The following EML6 variants were observed in gnomAD, a reference collection of about 807,000 sequenced individuals.
EML6 encodes EMAP like 6.
In EML6, 154 loss-of-function variants were observed where a neutral mutation model predicts 240.1. That is an observed-to-expected ratio of 0.64 (90% CI 0.56 to 0.73). The LOEUF (loss-of-function observed/expected upper bound fraction) is 0.73, where lower values mean the gene tolerates loss of function less well. Ranked by LOEUF, EML6 falls within the 30% of genes least tolerant of loss-of-function variation. The probability of loss-of-function intolerance (pLI) is 0.00; values close to 1 mark genes in which losing one functional copy is unlikely to be tolerated. For missense variants in EML6, 2,964 were observed against 2,474.6 expected, an observed-to-expected ratio of 1.20 and a Z score of -4.20; for synonymous variants, 1,148 against 899.0, an observed-to-expected ratio of 1.28 and a Z score of -4.95.
rs895520305 is a variant in EML6 at position 54,957,944 on chromosome 2, C to T, written c.4641C>T (p.Ile1547=). 1.4e-5 allele frequency: 22 copies of T among 1,551,622 alleles called. No homozygotes were observed. The highest frequency in any genetic ancestry group is 2.4e-5 in the East Asian group (1 of 40,924). ...CCTTGCTTTACAAGAAAGGGGTCAT[C>T]GGGTCCCTGGGAGCTGCCAAAATGC... is the stretch of plus-strand genomic sequence containing the variant. ...GSALLYKKGV[I]GSLGAAKMQT... is the part of the protein sequence containing the mutation. The change falls in exon 33 of 42, where the codon ATC becomes ATT. Residue 1547 remains isoleucine (I), a synonymous_variant. Coordinates refer to ENST00000356458, the MANE Select transcript of EML6 (RefSeq NM_001039753.4).
At chr2:54,816,947 G>A (rs1027976598) in intron 4 of EML6, 62 bp downstream of exon 4, 11 of 972,172 alleles carry the variant, frequency 1.1e-5, no homozygotes, top group Non-Finnish European at 1.6e-5. Context: ...GTGATATCGC[G>A]TCTCAGACTT....
chr2:54,823,850 T>TTCTCTCTCTCTCTCTCTC lies in EML6; in HGVS notation c.525+3398_525+3415dup, dbSNP rs147852134. Among the ~76,000 whole-genome samples, 434 of 72,254 alleles carry TTCTCTCTCTCTCTCTCTC rather than the reference T, an allele frequency of 6.0e-3. 7 individuals are homozygous for TTCTCTCTCTCTCTCTCTC. The highest frequency in any genetic ancestry group is 0.023 in the African/African-American group (415 of 18,402). The allele number at this position is 72,254 out of a possible 152,430, so 47.4% of individuals were successfully genotyped here. On this transcript the variant is annotated intron_variant, in intron 5 of 41. Coordinates refer to ENST00000356458, the MANE Select transcript of EML6 (RefSeq NM_001039753.4). ...GGCTGAATTAATATTCATTCATTCA[T>TTCTCTCTCTCTCTCTCTC]TCTCTCTCTCTCTCTCTCTCTCTCT...
intron 2 of EML6, among the ~76,000 whole-genome samples, chr2:54,746,231 G>A (rs1196894974): frequency 6.6e-6 from 1 of 152,206 alleles, no homozygotes; most frequent in African/African-American, 2.4e-5. Context: ...CTTGCTAATA[G>A]GCACCTATTC....
At chr2:54,795,274 G>C (rs1220951218) in intron 2 of EML6, among the ~76,000 whole-genome samples, 1 of 152,122 alleles carries the variant, frequency 6.6e-6, no homozygotes, top group African/African-American at 2.4e-5. Context: ...GGGGAAGCAG[G>C]GCATGTCTCA....
Position 54,725,154 on chromosome 2 carries a change from G to C in EML6, c.93G>C (p.Thr31=). Residue 31 remains threonine (T), a synonymous_variant, in exon 2 of 42, where the codon ACG becomes ACC. Transcript: ENST00000356458. The surrounding 1 kb of genome is among the most constrained non-coding windows in gnomAD (Gnocchi z 4.3). The part of the protein sequence containing the change: ...GHQCRNNLYY[T]AGKEVVYFVA... ...AGTGCCGCAACAACCTGTACTACAC[G>C]GCAGGCAAGGAGGTGGTCTACTTTG... 6.5e-7 allele frequency: 1 copy of C among 1,536,018 alleles called. No individual in the cohort carries two copies. Among genetic ancestry groups the C allele is most frequent in the Non-Finnish European group, 8.8e-7 (1 of 1,139,384 alleles).
chr2:54,890,022 T>C (rs1285017331), intron 17 of EML6, among the ~76,000 whole-genome samples: 1 of 152,248 alleles, frequency 6.6e-6, no homozygotes, highest in Non-Finnish European at 1.5e-5. Context: ...AATACAAATG[T>C]CTAAATGACA....
chr2:54,861,164 G>C (rs1046250624), intron 12 of EML6, among the ~76,000 whole-genome samples: 24 of 152,158 alleles, frequency 1.6e-4, no homozygotes, highest in African/African-American at 5.5e-4. Context: ...CCAGCAGCCA[G>C]AGCTCAGCAC....
intron 4 of EML6, among the ~76,000 whole-genome samples, chr2:54,819,208 T>C (rs1257337893): frequency 6.6e-6 from 1 of 152,170 alleles, no homozygotes. Context: ...TGGTCTAGAC[T>C]TTGTCCCTGA....
intron 24 of EML6, among the ~76,000 whole-genome samples, chr2:54,907,740 G>A (rs1673395982): frequency 6.6e-6 from 1 of 152,152 alleles, no homozygotes; most frequent in African/African-American, 2.4e-5. Context: ...TTTTTAATCT[G>A]TGTGAGCAGA....
At chr2:54,894,379 T>G (rs1415104122) in intron 19 of EML6, among the ~76,000 whole-genome samples, 1 of 152,228 alleles carries the variant, frequency 6.6e-6, no homozygotes, top group Non-Finnish European at 1.5e-5. Context: ...TAATCTGGAT[T>G]TTAATTATGG....
chr2:54,843,426 T>TA (rs769253789), intron 7 of EML6, among the ~76,000 whole-genome samples: 1 of 151,988 alleles, frequency 6.6e-6, no homozygotes, highest in Admixed American at 6.6e-5. Context: ...ACCTTGTCTC[T>TA]AAAAAATAAA....
chr2:54,931,906 G>A (rs12475185), intron 28 of EML6, among the ~76,000 whole-genome samples: 11,752 of 152,232 alleles, frequency 0.077, 503 homozygotes, highest in South Asian at 0.14. Flanking sequence ...TGCCTTGAAG[G>A]TAGCTGTGCT....
At chr2:54,754,065 G>T (rs1412735923) in intron 2 of EML6, among the ~76,000 whole-genome samples, 1 of 151,710 alleles carries the variant, frequency 6.6e-6, no homozygotes, top group Non-Finnish European at 1.5e-5. Context: ...AACCCAGGAG[G>T]CGGAGGTTGC....
intron 41 of EML6, among the ~76,000 whole-genome samples, chr2:54,969,455 C>G (rs1160471953): frequency 1.3e-5 from 2 of 152,280 alleles, no homozygotes; most frequent in African/African-American, 2.4e-5. Context: ...CCTGGGAGCC[C>G]CCATCTCCAG....
In EML6 at chr2:54,907,273, G is replaced by T. The variant is rs1405517956; in HGVS notation, c.3410-3681G>T. Among the ~76,000 whole-genome samples, 7 of 152,328 alleles carry T rather than the reference G, an allele frequency of 4.6e-5. No homozygotes were observed. The East Asian group carries it at 1.4e-3, about 29-fold the overall frequency. ...CACCTGTATTCTCAGCACTTTGGGA[G>T]GCTGAGGTGGGTGACCTGAGGTGAG... is the stretch of plus-strand genomic sequence containing the variant. On this transcript the variant is annotated intron_variant, in intron 24 of 41. Transcript: ENST00000356458.
At chr2:54,770,299 G>A (rs1463700293) in intron 2 of EML6, among the ~76,000 whole-genome samples, 1 of 152,206 alleles carries the variant, frequency 6.6e-6, no homozygotes, top group South Asian at 2.1e-4. Context: ...GGGACAACAG[G>A]TGTAAGCTGG....
At position 54,879,573 on chromosome 2, in the gene EML6, G is replaced by C. The variant is rs1671709838; in HGVS notation, c.2371G>C (p.Gly791Arg). Residue 791 changes from glycine to arginine, a missense_variant, in exon 17 of 42, where the codon GGT becomes CGT. Transcript: ENST00000356458. Reference sequence around the variant, plus strand: ...CGATGGAAAATGTCTGGTGTCGGTTGGTTTAGACGATTTTCACAGTATTGT... The same window carrying C: ...CGATGGAAAATGTCTGGTGTCGGTTCGTTTAGACGATTTTCACAGTATTGT... ...SADGKCLVSV[G>R]LDDFHSIVFW... is the part of the protein sequence containing the mutation. 6.4e-7 allele frequency: 1 copy of C among 1,551,626 alleles called. No individual in the cohort carries two copies. Among genetic ancestry groups the C allele is most frequent in the African/African-American group, 1.4e-5 (1 of 72,982 alleles).
chr2:54,736,955 T>C (rs1476711494), intron 2 of EML6, among the ~76,000 whole-genome samples: 1 of 152,308 alleles, frequency 6.6e-6, no homozygotes, highest in East Asian at 1.9e-4. Flanking sequence ...TGTAAAAGAC[T>C]AAAACAGATT....
chr2:54,909,185 T>TG (rs775894287), intron 24 of EML6, among the ~76,000 whole-genome samples: 20 of 152,324 alleles, frequency 1.3e-4, no homozygotes, highest in South Asian at 8.3e-4. Context: ...AAGAATGTGT[T>TG]CACTGAATAA....
Sources: gnomAD v4.1 joint callset for allele counts (sites outside exome capture counted in the v4.1 genomes callset) on GRCh38, gnomAD v4.1.1 for gene constraint, Gnocchi (gnomAD v3.1) non-coding constraint, MANE v1.5 for transcripts, NCBI Gene and HGNC (gene_info 2026-07-23, HGNC 2026-07-21) for gene names.